PLCB1: variants seen among roughly 807,000 people sequenced by gnomAD.
PLCB1 encodes 1-phosphatidylinositol 4,5-bisphosphate phosphodiesterase beta-1.
In PLCB1, 46 loss-of-function variants were observed where a neutral mutation model predicts 161.8. The ratio of observed to expected loss-of-function variants is 0.28; its 90% confidence interval spans 0.22 to 0.36. The LOEUF (loss-of-function observed/expected upper bound fraction) is 0.36. PLCB1 is among the 10% of genes least tolerant of loss of function. The pLI is 1.00. For synonymous variants in PLCB1, 517 were observed against 503.7 expected (o/e 1.03, Z -0.35); for missense variants, 1,016 against 1,472.5 (o/e 0.69, Z 5.07).
chr20:8,761,048 T>C (rs1359840521), intron 25 of PLCB1, among the ~76,000 whole-genome samples: 1 of 152,126 alleles, frequency 6.6e-6, no homozygotes, highest in African/African-American at 2.4e-5. Context: ...GGGCCAAATC[T>C]AGAAACAACC....
chr20:8,744,607 A>AAAGTAAAAT (rs1228522809), intron 23 of PLCB1, among the ~76,000 whole-genome samples: 2 of 114,250 alleles, frequency 1.8e-5, no homozygotes, highest in Admixed American at 1.1e-4. Context: ...ATGTCTCTTA[A>AAAGTAAAAT]AAATAAAATA....
rs566924454 is a variant in PLCB1 at position 8,499,218 on chromosome 20, T to G, written c.246+127768T>G. ...ATAACTATAATAGCTTATGTGCTTT[T>G]GGGATATTTTAGGTAAGGGTGAAAA... On this transcript the variant is annotated intron_variant, in intron 3 of 31. Transcript: ENST00000338037. 2.1e-4 allele frequency among the ~76,000 whole-genome samples: 32 copies of G among 152,382 alleles called. 1 individual carries two copies. The East Asian group carries it at 5.8e-3, about 28-fold the overall frequency.
At chr20:8,184,445 T>A (rs1163756237) in intron 2 of PLCB1, among the ~76,000 whole-genome samples, 1 of 152,128 alleles carries the variant, frequency 6.6e-6, no homozygotes, top group Non-Finnish European at 1.5e-5. Flanking sequence ...CTAATTTTGT[T>A]ATGAAAGACA....
chr20:8,637,029 C>CAAA (rs1371069452), intron 4 of PLCB1, among the ~76,000 whole-genome samples: 9 of 119,130 alleles, frequency 7.6e-5, no homozygotes, highest in African/African-American at 2.7e-4. Context: ...ACATGAGCAC[C>CAAA]ACAAAAAAAA....
chr20:8,310,026 C>CT (rs140705995), intron 2 of PLCB1, among the ~76,000 whole-genome samples: 5,665 of 146,686 alleles, frequency 0.039, 355 homozygotes, highest in African/African-American at 0.13. Flanking sequence ...TTAGTGTTTT[C>CT]TTTTTTTTTT....
intron 31 of PLCB1, among the ~76,000 whole-genome samples, chr20:8,811,002 A>G (rs1984790571): frequency 6.6e-6 from 1 of 152,186 alleles, no homozygotes; most frequent in Admixed American, 6.5e-5. Context: ...GTCTGGAAGG[A>G]TAGAAAAAGC....
chr20:8,708,927 T>C (rs1026151991), intron 12 of PLCB1, among the ~76,000 whole-genome samples, 175 bp downstream of exon 12: 1 of 152,256 alleles, frequency 6.6e-6, no homozygotes, highest in Non-Finnish European at 1.5e-5. Context: ...TAATCAACAT[T>C]AAAATTATCC....
At chr20:8,845,143 G>A (rs1600377032) in intron 31 of PLCB1, among the ~76,000 whole-genome samples, 2 of 98,916 alleles carry the variant, frequency 2.0e-5, no homozygotes, top group South Asian at 2.9e-4. Flanking sequence ...ATAAAATAAA[G>A]TACTAGATTA....
intron 2 of PLCB1, among the ~76,000 whole-genome samples, chr20:8,163,977 G>A (rs1031092360): frequency 2.6e-5 from 4 of 152,134 alleles, no homozygotes; most frequent in Non-Finnish European, 5.9e-5. Flanking sequence ...TTTTTACAGT[G>A]GAAAAATGGC....
chr20:8,659,073 G>A (rs548183187), intron 9 of PLCB1, among the ~76,000 whole-genome samples: 36 of 151,942 alleles, frequency 2.4e-4, no homozygotes, highest in African/African-American at 6.5e-4. Context: ...TTTTTCTAAC[G>A]TTCTAAAACT....
At chr20:8,388,672 C>A (rs1371285325) in intron 3 of PLCB1, among the ~76,000 whole-genome samples, 1 of 151,912 alleles carries the variant, frequency 6.6e-6, no homozygotes, top group African/African-American at 2.4e-5. Context: ...TTTGTTTTGT[C>A]ATTTTGTTAC....
At chr20:8,606,601 C>CT (rs1287557353) in intron 3 of PLCB1, among the ~76,000 whole-genome samples, 2 of 152,124 alleles carry the variant, frequency 1.3e-5, no homozygotes, top group East Asian at 1.9e-4. Context: ...ATGCTAGTGT[C>CT]TTTTTTAGGA....
At chr20:8,435,641 G>A (rs1348233103) in intron 3 of PLCB1, among the ~76,000 whole-genome samples, 2 of 152,092 alleles carry the variant, frequency 1.3e-5, no homozygotes, top group Non-Finnish European at 2.9e-5. Context: ...CAGAGCTCAA[G>A]AAATTGAATT....
At chr20:8,866,978 C>T (rs1036162873) in intron 31 of PLCB1, among the ~76,000 whole-genome samples, 9 of 152,070 alleles carry the variant, frequency 5.9e-5, no homozygotes, top group African/African-American at 2.2e-4. Flanking sequence ...TGATAAAACC[C>T]TAGGACGGCT....
At chr20:8,684,083 A>G (rs1600249005) in intron 9 of PLCB1, among the ~76,000 whole-genome samples, 1 of 151,516 alleles carries the variant, frequency 6.6e-6, no homozygotes, top group Admixed American at 6.6e-5. Flanking sequence ...ACGAGGTTTC[A>G]CCGTGTTAGC....
intron 3 of PLCB1, among the ~76,000 whole-genome samples, chr20:8,591,248 G>A (rs1469357865): frequency 6.6e-6 from 1 of 152,134 alleles, no homozygotes; most frequent in African/African-American, 2.4e-5. Flanking sequence ...CACTTGCCAT[G>A]TAACCTAACA....
chr20:8,132,616 G>C lies in PLCB1; in HGVS notation c.-36G>C, dbSNP rs749173221. 2 of 1,498,528 alleles carry C rather than the reference G, an allele frequency of 1.3e-6. No individual in the cohort carries two copies. The highest frequency in any genetic ancestry group is 1.8e-5 in the Admixed American group (1 of 55,352). 92.8% of individuals were successfully genotyped at this position (1,498,528 alleles called of 1,614,324 possible). ...GCGCACGGTCCCCAGTCCCTGCCGCGCTCGCCCGGGCCGCCCGGAGCCCAG... is the reference window on the plus strand; with the variant it reads ...GCGCACGGTCCCCAGTCCCTGCCGCCCTCGCCCGGGCCGCCCGGAGCCCAG... On this transcript the variant is annotated 5_prime_UTR_variant, in exon 1 of 32. Coordinates refer to ENST00000338037, the MANE Select transcript of PLCB1 (RefSeq NM_015192.4). The surrounding 1 kb of genome is among the most constrained non-coding windows in gnomAD (Gnocchi z 5.2).
intron 3 of PLCB1, among the ~76,000 whole-genome samples, chr20:8,458,961 T>C (rs1402127042): frequency 6.6e-6 from 1 of 152,224 alleles, no homozygotes; most frequent in Non-Finnish European, 1.5e-5. Context: ...CCATGAAGAA[T>C]AAAATGTGAA....
At chr20:8,756,947 G>C (rs1981766745) in intron 23 of PLCB1, 99 bp from the exon 24 acceptor site, 1 of 1,137,120 alleles carries the variant, frequency 8.8e-7, no homozygotes, top group Non-Finnish European at 1.2e-6. Flanking sequence ...AACTCCAAAA[G>C]AATTGTGAAG....
Sources: gnomAD v4.1 joint callset for allele counts (sites outside exome capture counted in the v4.1 genomes callset) on GRCh38, gnomAD v4.1.1 for gene constraint, Gnocchi (gnomAD v3.1) non-coding constraint, MANE v1.5 for transcripts, NCBI Gene and HGNC (gene_info 2026-07-23, HGNC 2026-07-21) for gene names.